Variants in MTM1 observed in about 807,000 individuals in gnomAD.
The protein encoded by MTM1 is myotubularin.
MTM1 carries 9 observed loss-of-function variants against 52.1 expected under a neutral mutation model. The observed-to-expected ratio is 0.17, with a 90% CI of 0.10 to 0.30. MTM1 has a LOEUF of 0.30. Among genes scored for constraint, MTM1 ranks in the 10% least tolerant of loss-of-function variants. The pLI is 1.00. For synonymous variants in MTM1, 136 were observed against 163.8 expected (o/e 0.83, Z 1.29); for missense variants, 277 against 470.7 (o/e 0.59, Z 3.81).
intron 6 of MTM1, among the ~76,000 whole-genome samples, chrX:150,620,595 A>G (rs960500977): frequency 9.0e-6 from 1 of 111,682 alleles, no homozygotes; most frequent in South Asian, 3.7e-4. Context: ...TTCCTGCACC[A>G]TCTTGATTGT....
intron 5 of MTM1, among the ~76,000 whole-genome samples, chrX:150,616,555 C>T (rs2039389550): frequency 8.9e-6 from 1 of 111,804 alleles, no homozygotes; most frequent in Admixed American, 9.5e-5. Flanking sequence ...CCAGTAGCAA[C>T]TTTCCCATGG....
Position 150,598,704 on chromosome X carries a change from C to G in MTM1, c.231+18C>G. 1 of 1,004,091 alleles carries G rather than the reference C, an allele frequency of 1.0e-6. No homozygotes were observed. Among genetic ancestry groups the G allele is most frequent in the Non-Finnish European group, 1.4e-6 (1 of 708,915 alleles). The allele number at this position is 1,004,091 out of a possible 1,213,427, so 82.7% of individuals were successfully genotyped here. A position where few individuals can be genotyped will look rare whatever the true frequency, so the allele number is the denominator to read the frequency against. ...TGGAAACGGTAAGTAGAATATAAGA[C>G]CATAAAGATGACCCTAACTGTTAAA... is the stretch of plus-strand genomic sequence containing the variant. On this transcript the variant is annotated intron_variant, in intron 4 of 14. Coordinates refer to ENST00000370396, the MANE Select transcript of MTM1 (RefSeq NM_000252.3).
In MTM1 at chrX:150,629,518, T is replaced by C. The variant is rs181296220; in HGVS notation, c.445-9425T>C. On this transcript the variant is annotated intron_variant, in intron 6 of 14. Transcript: ENST00000370396. ...CTTCCAACTCCTTAAAAACAGAGGC[T>C]GTGTCTTCCTTGCCTTTTTCTCCAC... Among the ~76,000 whole-genome samples the C allele has an allele frequency of 3.6e-5, 4 of 111,663 alleles. No individual in the cohort carries two copies. The East Asian group carries it at 1.1e-3, about 31-fold the overall frequency.
chrX:150,598,517 A>G, intron 3 of MTM1, 75 bp from the exon 4 acceptor site: 1 of 619,256 alleles, frequency 1.6e-6, no homozygotes, highest in Non-Finnish European at 2.7e-6. Context: ...AATAGTTTAT[A>G]TTAAATTAGT....
At chrX:150,591,817 A>C (rs2038890550) in intron 1 of MTM1, among the ~76,000 whole-genome samples, 1 of 112,833 alleles carries the variant, frequency 8.9e-6, no homozygotes, top group African/African-American at 3.2e-5. Context: ...ATTTATAAAT[A>C]TCCACAGTCA....
At chrX:150,608,468 C>G (rs1249027853) in intron 4 of MTM1, among the ~76,000 whole-genome samples, 1 of 112,176 alleles carries the variant, frequency 8.9e-6, no homozygotes, top group Non-Finnish European at 1.9e-5. Flanking sequence ...ATCCGCCTGC[C>G]TCCGCCTCCC....
At chrX:150,579,550 C>T (rs1353511318) in intron 1 of MTM1, among the ~76,000 whole-genome samples, 1 of 111,216 alleles carries the variant, frequency 9.0e-6, no homozygotes, top group Non-Finnish European at 1.9e-5. Context: ...AGCTGGAGTG[C>T]AGTGGCATGA....
At chrX:150,620,296 T>C (rs1450530969) in intron 6 of MTM1, among the ~76,000 whole-genome samples, 1 of 112,222 alleles carries the variant, frequency 8.9e-6, no homozygotes, top group East Asian at 2.8e-4. Flanking sequence ...AGACATCCCC[T>C]TTCTCTGGTA....
chrX:150,592,647 A>G lies in MTM1; in HGVS notation c.33A>G (p.Ser11=). The change falls in exon 2 of 15, where the codon TCA becomes TCG. Residue 11 remains serine (S), a synonymous_variant. Transcript: ENST00000370396. ...CTGCATCAACTTCTAAATATAATTC[A>G]CACTCCTTGGAGAATGAGTCTATTA... MASASTSKYN[S]HSLENESIKR... is the part of the protein sequence containing the mutation. The G allele has an allele frequency of 8.4e-7, 1 of 1,192,580 alleles. No individual in the cohort carries two copies. Among genetic ancestry groups the G allele is most frequent in the Non-Finnish European group, 1.1e-6 (1 of 878,626 alleles).
At chrX:150,602,420 T>G (rs2039083232) in intron 4 of MTM1, among the ~76,000 whole-genome samples, 1 of 112,380 alleles carries the variant, frequency 8.9e-6, no homozygotes, top group African/African-American at 3.2e-5. Context: ...TGGTCCTTCA[T>G]GCCTAGCTAG....
chrX:150,649,956 G>A, intron 10 of MTM1, 55 bp downstream of exon 10: 12 of 1,051,973 alleles, frequency 1.1e-5, no homozygotes, highest in Non-Finnish European at 1.6e-5. Context: ...TAATTGTTTA[G>A]TGGAATGGAC....
At chrX:150,671,126 C>T (rs2040389111) in intron 14 of MTM1, among the ~76,000 whole-genome samples, 1 of 111,123 alleles carries the variant, frequency 9.0e-6, no homozygotes, top group Non-Finnish European at 1.9e-5. Context: ...CTGGGACGGG[C>T]AACACGGGAG....
chrX:150,585,382 T>A (rs1557412205), intron 1 of MTM1, among the ~76,000 whole-genome samples: 1 of 111,823 alleles, frequency 8.9e-6, no homozygotes, highest in African/African-American at 3.3e-5. Flanking sequence ...GGCTTTTCTT[T>A]GGGGTCCTTT....
At position 150,657,958 on chromosome X, in the gene MTM1, T is replaced by C. The variant is rs587783761; in HGVS notation, c.1191T>C (p.Tyr397=). 2.5e-6 allele frequency: 3 copies of C among 1,211,347 alleles called. No individual in the cohort carries two copies. Among genetic ancestry groups the C allele is most frequent in the Non-Finnish European group, 2.2e-6 (2 of 895,152 alleles). The change falls in exon 11 of 15, where the codon TAT becomes TAC. Residue 397 remains tyrosine (Y), a synonymous_variant. Coordinates refer to ENST00000370396, the MANE Select transcript of MTM1 (RefSeq NM_000252.3). The part of the protein sequence containing the change: ...SLAMLMLDSF[Y]RSIEGFEILV... ...CCATGCTGATGTTGGATAGCTTCTA[T>C]AGGAGCATTGAAGGGTTCGAAATAC...
chrX:150,610,279 T>C (rs1293429444), intron 4 of MTM1, among the ~76,000 whole-genome samples: 1 of 111,452 alleles, frequency 9.0e-6, no homozygotes, highest in South Asian at 3.8e-4. Context: ...CTTGAGTCCA[T>C]GTGTCTTATC....
intron 8 of MTM1, among the ~76,000 whole-genome samples, chrX:150,641,683 T>C (rs1325297320): frequency 9.0e-6 from 1 of 111,514 alleles, no homozygotes; most frequent in African/African-American, 3.3e-5. Context: ...AACCAAGTGC[T>C]GTGTGGAAGG....
chrX:150,629,442 A>C (rs2148474469), intron 6 of MTM1, among the ~76,000 whole-genome samples: 1 of 111,434 alleles, frequency 9.0e-6, no homozygotes, highest in African/African-American at 3.3e-5. Flanking sequence ...CACCTGTGGC[A>C]CTTGCTGCTA....
intron 10 of MTM1, among the ~76,000 whole-genome samples, chrX:150,652,295 G>A (rs1316132353): frequency 9.1e-6 from 1 of 109,852 alleles, no homozygotes; most frequent in African/African-American, 3.3e-5. Flanking sequence ...TGGGAGGATC[G>A]CTTGAGCCCA....
At position 150,671,753 on chromosome X, in the gene MTM1, T is replaced by G; in HGVS notation, c.*158T>G. On this transcript the variant is annotated 3_prime_UTR_variant, in exon 15 of 15. Transcript: ENST00000370396. Reference sequence around the variant, plus strand: ...AATATGTGCCTTCTAGAATACATATTACAAGAAAACTACAGGGTCCACACG... The same window carrying G: ...AATATGTGCCTTCTAGAATACATATGACAAGAAAACTACAGGGTCCACACG... 1 of 597,295 alleles carries G rather than the reference T, an allele frequency of 1.7e-6. No individual in the cohort carries two copies. Among genetic ancestry groups the G allele is most frequent in the East Asian group, 3.6e-5 (1 of 27,929 alleles). 49.2% of individuals were successfully genotyped at this position (597,295 alleles called of 1,213,427 possible).
Sources: gnomAD v4.1 joint callset for allele counts (sites outside exome capture counted in the v4.1 genomes callset) on GRCh38, gnomAD v4.1.1 for gene constraint, MANE v1.5 for transcripts, NCBI Gene and HGNC (gene_info 2026-07-23, HGNC 2026-07-21) for gene names.